NAV3: variants seen among roughly 807,000 people sequenced by gnomAD.
NAV3 encodes the protein neuron navigator 3.
Under a neutral mutation model 244.7 loss-of-function variants are expected in NAV3, and 87 were observed. The ratio of observed to expected loss-of-function variants is 0.36; its 90% CI spans 0.30 to 0.42. The LOEUF (loss-of-function observed/expected upper bound fraction) is 0.42. Ranked by LOEUF, NAV3 falls within the 20% of genes least tolerant of loss-of-function variation. The pLI, the probability that NAV3 is intolerant of heterozygous loss-of-function variation, is 1.00. For synonymous variants in NAV3, 1,126 were observed against 1,042.2 expected, an observed-to-expected ratio of 1.08 and a Z score of -1.55; for missense variants, 2,663 against 2,893.3, an observed-to-expected ratio of 0.92 and a Z score of 1.83.
At chr12:77,912,544 T>G (rs1404368886) in intron 1 of NAV3, among the ~76,000 whole-genome samples, 1 of 152,176 alleles carries the variant, frequency 6.6e-6, no homozygotes, top group Non-Finnish European at 1.5e-5. Flanking sequence ...GTCCTAGTTT[T>G]AAAAATTGTA....
chr12:77,813,121 C>G lies in NAV3; in HGVS notation c.73-127198C>G, dbSNP rs1872373609. On this transcript the variant is annotated intron_variant, in intron 2 of 8. Coordinates refer to the NAV3 transcript ENST00000550042. ...TACAGGTGTAAGCCATCATGCCTGGCCTAAAAGACACCAAATTCTTATAGG... is the reference window on the plus strand; with the variant it reads ...TACAGGTGTAAGCCATCATGCCTGGGCTAAAAGACACCAAATTCTTATAGG... Among the ~76,000 whole-genome samples the G allele has an allele frequency of 2.0e-5, 3 of 152,160 alleles. No homozygotes were observed. In the South Asian group the frequency reaches 6.2e-4, roughly 32 times the overall value.
rs1282836149 is a variant in NAV3, at chr12:77,837,234, T to TTAAACTTTAAACTG, written c.243+5543_243+5544insGTAAACTTTAAACT. Among the ~76,000 whole-genome samples the TTAAACTTTAAACTG allele has an allele frequency of 4.0e-5, 6 of 150,706 alleles. No individual in the cohort carries two copies. In the East Asian group the frequency reaches 9.9e-4, roughly 25 times the overall value. On this transcript the variant is annotated intron_variant, in intron 1 of 39. Coordinates refer to ENST00000397909, the MANE Select transcript of NAV3 (RefSeq NM_001024383.2). ...GAAAAGTTATGTAAACTTTTAAAGT[T>TTAAACTTTAAACTG]TAAACTTTAAACTTTAAAAGTTTAC...
chr12:78,056,262 C>G (rs1223635860), intron 11 of NAV3: 1 of 152,138 alleles, frequency 6.6e-6, no homozygotes, highest in Admixed American at 6.6e-5. Flanking sequence ...CGAGGATACC[C>G]AGGATGTGCT....
At chr12:77,819,302 AC>A (rs1393450189) in intron 2 of NAV3, among the ~76,000 whole-genome samples, 1 of 151,814 alleles carries the variant, frequency 6.6e-6, no homozygotes, top group Non-Finnish European at 1.5e-5. Flanking sequence ...TATTAACATA[AC>A]TATAATATAA....
In NAV3 at chr12:77,968,720, G is replaced by A. The variant is rs2137997161; in HGVS notation, c.671+18G>A. On this transcript the variant is annotated intron_variant, in intron 5 of 39. Coordinates refer to ENST00000397909, the MANE Select transcript of NAV3 (RefSeq NM_001024383.2). ...CAGTCCAGGTAAGGAAAGGAAGTAGGGAATGTGTTTCCAATTAGTTTGTGT... is the reference window on the plus strand; with the variant it reads ...CAGTCCAGGTAAGGAAAGGAAGTAGAGAATGTGTTTCCAATTAGTTTGTGT... 6.2e-7 allele frequency: 1 copy of A among 1,602,572 alleles called. No individual in the cohort carries two copies. Among genetic ancestry groups the A allele is most frequent in the Non-Finnish European group, 8.5e-7 (1 of 1,172,824 alleles).
At chr12:78,110,010 C>G (rs532532575) in intron 12 of NAV3, among the ~76,000 whole-genome samples, 1 of 152,084 alleles carries the variant, frequency 6.6e-6, no homozygotes, top group South Asian at 2.1e-4. Context: ...CATTGTTCCT[C>G]TTTGCTGATG....
intron 12 of NAV3, among the ~76,000 whole-genome samples, chr12:78,109,533 A>T (rs1593617097): frequency 6.6e-6 from 1 of 152,232 alleles, no homozygotes. Context: ...ATGAACACAG[A>T]TGCAAAAATC....
At position 78,057,447 on chromosome 12, in the gene NAV3, C is replaced by T. The variant is rs114896091; in HGVS notation, c.2517-1549C>T. Among the ~76,000 whole-genome samples, 198 of 152,270 alleles carry T rather than the reference C, an allele frequency of 1.3e-3. 1 individual carries two copies. The highest frequency in any genetic ancestry group is 4.7e-3 in the African/African-American group (194 of 41,568). On this transcript the variant is annotated intron_variant, in intron 11 of 39. Transcript: ENST00000397909. ...GTATGCATAACAGTGTGCAAAAGGT[C>T]AGAGTTACTTGAGCTGTGTTAAAAA...
At chr12:78,091,885 A>G (rs1566118710) in intron 12 of NAV3, 1 of 152,134 alleles carries the variant, frequency 6.6e-6, no homozygotes, top group Non-Finnish European at 1.5e-5. Flanking sequence ...ACAAAGACAG[A>G]ATATACAGAA....
intron 2 of NAV3, among the ~76,000 whole-genome samples, chr12:77,760,162 C>T (rs1050403058): frequency 6.6e-6 from 1 of 152,142 alleles, no homozygotes; most frequent in Admixed American, 6.5e-5. Context: ...CAGGAAATAT[C>T]CATGTGTATA....
intron 12 of NAV3, among the ~76,000 whole-genome samples, chr12:78,063,868 A>G (rs959536442): frequency 6.6e-6 from 1 of 152,178 alleles, no homozygotes; most frequent in Non-Finnish European, 1.5e-5. Context: ...GAATGTGGAC[A>G]AGGAGACGAG....
rs145033752 is a variant in NAV3, at chr12:77,672,033, T to C, written c.72+99767T>C. Among the ~76,000 whole-genome samples, 1,200 of 152,234 alleles carry C rather than the reference T, an allele frequency of 7.9e-3. 13 individuals are homozygous for C. The highest frequency in any genetic ancestry group is 0.015 in the Admixed American group (224 of 15,294). On this transcript the variant is annotated intron_variant, in intron 2 of 8. Coordinates refer to the NAV3 transcript ENST00000550042. ...CGACAAAAGACCAATATCCAGAAGC[T>C]ACAAAGAACTCAAACAAATCAGCAA... is the stretch of plus-strand genomic sequence containing the variant.
At chr12:77,824,491 G>A (rs1224513872) in intron 2 of NAV3, among the ~76,000 whole-genome samples, 2 of 152,108 alleles carry the variant, frequency 1.3e-5, no homozygotes, top group African/African-American at 2.4e-5. Flanking sequence ...CTAGAAGGAA[G>A]AGGGAGGTAG....
chr12:77,712,809 C>G (rs905837741), intron 2 of NAV3, among the ~76,000 whole-genome samples: 1 of 152,172 alleles, frequency 6.6e-6, no homozygotes, highest in Non-Finnish European at 1.5e-5. Context: ...GAAATTCATA[C>G]AAACAAATGA....
At chr12:78,090,954 CTGTGTG>C (rs10581059) in intron 12 of NAV3, among the ~76,000 whole-genome samples, 20,419 of 142,526 alleles carry the variant, frequency 0.14, 1,378 homozygotes, top group South Asian at 0.21. Context: ...GTGCTGTATT[CTGTGTG>C]TGTGTGTGTG....
At chr12:77,938,248 GT>G (rs1175722855) in intron 1 of NAV3, among the ~76,000 whole-genome samples, 1 of 152,114 alleles carries the variant, frequency 6.6e-6, no homozygotes. Flanking sequence ...ATTCTAAACA[GT>G]ATAAAATCCT....
intron 18 of NAV3, among the ~76,000 whole-genome samples, chr12:78,133,289 A>G (rs1327962371): frequency 6.6e-6 from 1 of 152,094 alleles, no homozygotes; most frequent in Non-Finnish European, 1.5e-5. Flanking sequence ...TAATATTTAA[A>G]GAGTTTTTAT....
intron 12 of NAV3, 137 bp from the exon 13 acceptor site, chr12:78,116,635 T>A (rs11835006): frequency 0.13 from 121,900 of 954,290 alleles, 8,163 homozygotes; most frequent in East Asian, 0.23. Context: ...TCCCAAAATG[T>A]GAAATAAGTG....
At chr12:78,049,417 G>A (rs1566061362) in intron 9 of NAV3, among the ~76,000 whole-genome samples, 1 of 152,198 alleles carries the variant, frequency 6.6e-6, no homozygotes, top group Admixed American at 6.5e-5. Flanking sequence ...GGATAGCTCC[G>A]TCCTTCAAGG....
Sources: gnomAD v4.1 joint callset for allele counts (sites outside exome capture counted in the v4.1 genomes callset) on GRCh38, gnomAD v4.1.1 for gene constraint, MANE v1.5 for transcripts, NCBI Gene and HGNC (gene_info 2026-07-23, HGNC 2026-07-21) for gene names.